Variants in MYT1L observed in about 807,000 individuals in gnomAD.
MYT1L encodes myelin transcription factor 1 like.
A neutral mutation model predicts 126.7 loss-of-function variants in MYT1L; 12 were observed. The ratio of observed to expected loss-of-function variants is 0.09; its 90% confidence interval spans 0.06 to 0.15. The LOEUF is 0.15. Among genes scored for constraint, MYT1L ranks in the 10% least tolerant of loss-of-function variants. The pLI is 1.00. For synonymous variants in MYT1L, 541 were observed against 604.2 expected, an observed-to-expected ratio of 0.90 and a Z score of 1.53; for missense variants, 979 against 1,585.2, an observed-to-expected ratio of 0.62 and a Z score of 6.49.
At chr2:1,845,305 T>C (rs1400144701) in intron 19 of MYT1L, among the ~76,000 whole-genome samples, 1 of 152,174 alleles carries the variant, frequency 6.6e-6, no homozygotes, top group Non-Finnish European at 1.5e-5. Flanking sequence ...AAGTGTCGTT[T>C]TCTTTTCGTG....
chr2:1,935,357 A>T (rs2055725832), intron 9 of MYT1L, among the ~76,000 whole-genome samples: 1 of 152,184 alleles, frequency 6.6e-6, no homozygotes, highest in South Asian at 2.1e-4. Context: ...ATGAGCTGTC[A>T]TGATATTCTG....
chr2:1,821,335 C>T (rs191613848), intron 21 of MYT1L, among the ~76,000 whole-genome samples: 15 of 151,974 alleles, frequency 9.9e-5, no homozygotes, highest in Non-Finnish European at 2.1e-4. Flanking sequence ...AATCTTTTAT[C>T]TTCTTTTCTC....
intron 8 of MYT1L, among the ~76,000 whole-genome samples, chr2:1,955,951 T>C (rs868831008): frequency 3.3e-5 from 5 of 152,354 alleles, no homozygotes; most frequent in Middle Eastern, 6.8e-3. Context: ...TTAGGTTGTA[T>C]ATTTAATAGA....
chr2:2,124,519 C>G (rs1214612538), intron 3 of MYT1L, among the ~76,000 whole-genome samples: 1 of 152,182 alleles, frequency 6.6e-6, no homozygotes, highest in Non-Finnish European at 1.5e-5. Context: ...TGGTCTCGAA[C>G]TTCTGACCTC....
intron 2 of MYT1L, among the ~76,000 whole-genome samples, chr2:2,185,534 G>A (rs1331872067): frequency 4.0e-5 from 6 of 148,730 alleles, no homozygotes. Context: ...CTTCTGTGAG[G>A]CGGACGCAGC....
chr2:2,116,381 C>T (rs1289015894), intron 3 of MYT1L, among the ~76,000 whole-genome samples: 1 of 152,262 alleles, frequency 6.6e-6, no homozygotes, highest in Non-Finnish European at 1.5e-5. Flanking sequence ...TGCCTCTCTT[C>T]TCCATTCTCT....
chr2:1,845,964 G>C (rs188640021), intron 19 of MYT1L, among the ~76,000 whole-genome samples: 2 of 152,034 alleles, frequency 1.3e-5, no homozygotes, highest in Admixed American at 6.6e-5. Flanking sequence ...GCTCAGCGTC[G>C]CCTCCTCTCT....
At chr2:2,158,452 C>A (rs2087115473) in intron 3 of MYT1L, among the ~76,000 whole-genome samples, 1 of 152,210 alleles carries the variant, frequency 6.6e-6, no homozygotes, top group African/African-American at 2.4e-5. Context: ...GGGCCTATCA[C>A]AAATGCGCAC....
At chr2:2,238,121 T>C (rs968940290) in intron 2 of MYT1L, among the ~76,000 whole-genome samples, 16 of 152,184 alleles carry the variant, frequency 1.1e-4, no homozygotes, top group Non-Finnish European at 2.2e-4. Context: ...ATTGAATGCT[T>C]AGATTTTTCT....
chr2:1,987,575 G>A (rs568353565), intron 5 of MYT1L, among the ~76,000 whole-genome samples: 1 of 152,212 alleles, frequency 6.6e-6, no homozygotes, highest in South Asian at 2.1e-4. Flanking sequence ...CCTGCTTCAG[G>A]GATTCACGTC....
At chr2:2,277,684 A>G (rs934379677) in intron 2 of MYT1L, among the ~76,000 whole-genome samples, 1 of 152,260 alleles carries the variant, frequency 6.6e-6, no homozygotes, top group African/African-American at 2.4e-5. Context: ...TTAAGCAGCT[A>G]TAAAGTTACT....
At chr2:1,833,624 T>C (rs2040470042) in intron 21 of MYT1L, among the ~76,000 whole-genome samples, 2 of 152,194 alleles carry the variant, frequency 1.3e-5, no homozygotes, top group Admixed American at 1.3e-4. Context: ...GAGGGTCTCA[T>C]GATAGCTGCT....
intron 5 of MYT1L, among the ~76,000 whole-genome samples, chr2:1,987,597 A>G (rs2061144518): frequency 1.3e-5 from 2 of 152,148 alleles, no homozygotes; most frequent in South Asian, 4.1e-4. Flanking sequence ...GCTGCTCTCC[A>G]TCTGTTCCAA....
In MYT1L at chr2:1,841,157, G is replaced by A. The variant is rs376436523; in HGVS notation, c.2775-314C>T. ...CCTGACCTCGTGATTTGCCCACCTC[G>A]GCCTCTTTTTTTTTTTTTTTTTTTG... On this transcript the variant is annotated intron_variant, in intron 19 of 24. Coordinates refer to ENST00000647738, the MANE Select transcript of MYT1L (RefSeq NM_001303052.2). 79 of 156,700 alleles carry A rather than the reference G, an allele frequency of 5.0e-4. No individual in the cohort carries two copies. The East Asian group carries it at 0.012, about 25-fold the overall frequency. The allele number at this position is 156,700 out of a possible 1,614,324, so 9.7% of individuals were successfully genotyped here.
intron 3 of MYT1L, among the ~76,000 whole-genome samples, chr2:2,055,314 C>G (rs866588309): frequency 2.9e-4 from 44 of 152,068 alleles, no homozygotes; most frequent in African/African-American, 9.4e-4. Flanking sequence ...CAAAGGATAG[C>G]AAATAAGTTG....
At chr2:2,058,708 T>C (rs370501301) in intron 3 of MYT1L, among the ~76,000 whole-genome samples, 1 of 152,228 alleles carries the variant, frequency 6.6e-6, no homozygotes, top group African/African-American at 2.4e-5. Flanking sequence ...ATAACAGTAG[T>C]AAAAGTGGCA....
At chr2:1,924,136 G>A (rs1333588316) in intron 9 of MYT1L, among the ~76,000 whole-genome samples, 1 of 152,154 alleles carries the variant, frequency 6.6e-6, no homozygotes, top group African/African-American at 2.4e-5. Context: ...TAATGTGTGA[G>A]TAAGTGTCAT....
chr2:2,053,859 C>T (rs1188611942), intron 4 of MYT1L, 119 bp downstream of exon 4: 1 of 152,612 alleles, frequency 6.6e-6, no homozygotes, highest in Non-Finnish European at 1.5e-5. Flanking sequence ...AAATAAAATG[C>T]TGCTTCATTC....
chr2:1,832,802 C>T (rs960287414), intron 21 of MYT1L, among the ~76,000 whole-genome samples: 6 of 152,202 alleles, frequency 3.9e-5, no homozygotes, highest in African/African-American at 1.4e-4. Context: ...GCCTGTTCAC[C>T]CCATCTGGAC....
Sources: allele counts gnomAD v4.1 joint callset (sites outside exome capture counted in the v4.1 genomes callset), GRCh38; gene constraint gnomAD v4.1.1; transcripts MANE v1.5; gene names NCBI Gene and HGNC (gene_info 2026-07-23, HGNC 2026-07-21).